The following SLIT3 variants were observed in gnomAD, a reference collection of about 807,000 sequenced individuals.
SLIT3 encodes slit homolog 3 protein.
In SLIT3, 68 loss-of-function variants were observed where a neutral mutation model predicts 184.0. The ratio of observed to expected loss-of-function variants is 0.37; its 90% CI spans 0.30 to 0.45. SLIT3 has a LOEUF of 0.45. Among genes scored for constraint, SLIT3 ranks in the 20% least tolerant of loss-of-function variants. The probability of loss-of-function intolerance (pLI) is 1.00; values close to 1 mark genes in which losing one functional copy is unlikely to be tolerated. For missense variants in SLIT3, 1,707 were observed against 2,026.0 expected, an observed-to-expected ratio of 0.84 and a Z score of 3.02; for synonymous variants, 831 against 828.6, an observed-to-expected ratio of 1.00 and a Z score of -0.05.
chr5:169,081,587 G>A (rs1759059855), intron 4 of SLIT3, among the ~76,000 whole-genome samples: 1 of 152,122 alleles, frequency 6.6e-6, no homozygotes, highest in Non-Finnish European at 1.5e-5. Context: ...CCGAGGAGAA[G>A]GGGATGCTAG....
At chr5:169,192,356 C>A (rs1488471245) in intron 4 of SLIT3, among the ~76,000 whole-genome samples, 1 of 152,062 alleles carries the variant, frequency 6.6e-6, no homozygotes, top group Non-Finnish European at 1.5e-5. Context: ...ATTGGAATAC[C>A]AGCCAACCCT....
At chr5:168,850,849 G>T (rs1268460061) in intron 5 of SLIT3, among the ~76,000 whole-genome samples, 1 of 152,154 alleles carries the variant, frequency 6.6e-6, no homozygotes, top group Non-Finnish European at 1.5e-5. Flanking sequence ...TGCAAACAGC[G>T]ATGATGGATT....
intron 4 of SLIT3, among the ~76,000 whole-genome samples, chr5:168,901,673 C>T (rs1019266050): frequency 6.6e-6 from 1 of 152,176 alleles, no homozygotes; most frequent in Non-Finnish European, 1.5e-5. Flanking sequence ...AAAAAGGACT[C>T]GCCCAAAGTC....
intron 12 of SLIT3, among the ~76,000 whole-genome samples, chr5:168,776,924 TG>T (rs1755771422): frequency 6.6e-6 from 1 of 152,136 alleles, no homozygotes; most frequent in Non-Finnish European, 1.5e-5. Context: ...CAAGAAACAC[TG>T]AACTATTCAG....
At chr5:168,939,086 C>T (rs924426228) in intron 4 of SLIT3, among the ~76,000 whole-genome samples, 2 of 152,116 alleles carry the variant, frequency 1.3e-5, no homozygotes, top group East Asian at 1.9e-4. Flanking sequence ...AAGGAATGGG[C>T]GCCTTGGGAG....
chr5:168,847,606 A>G (rs1157009428), intron 5 of SLIT3, among the ~76,000 whole-genome samples: 1 of 152,214 alleles, frequency 6.6e-6, no homozygotes, highest in East Asian at 1.9e-4. Flanking sequence ...AAGTAAATAC[A>G]CACTTGGTTC....
At chr5:168,898,966 A>T (rs1434153147) in intron 4 of SLIT3, among the ~76,000 whole-genome samples, 2 of 151,410 alleles carry the variant, frequency 1.3e-5, no homozygotes, top group Admixed American at 6.6e-5. Flanking sequence ...ATTATGTGAG[A>T]AGGCTATTAC....
chr5:169,171,314 G>A (rs965446499), intron 4 of SLIT3, among the ~76,000 whole-genome samples: 19 of 152,220 alleles, frequency 1.2e-4, no homozygotes, highest in African/African-American at 4.3e-4. Context: ...ATATGGCACT[G>A]TCTCTAGACT....
chr5:168,690,404 C>G (rs554723141), intron 29 of SLIT3, among the ~76,000 whole-genome samples: 18 of 152,332 alleles, frequency 1.2e-4, no homozygotes, highest in Non-Finnish European at 1.5e-5. Context: ...TCTGAGCTTG[C>G]TGTCCACTCA....
intron 4 of SLIT3, among the ~76,000 whole-genome samples, chr5:169,014,326 C>A (rs764179330): frequency 5.9e-5 from 9 of 152,046 alleles, no homozygotes; most frequent in Non-Finnish European, 1.3e-4. Context: ...TTTTCTGAAC[C>A]AAAATTGGCC....
intron 4 of SLIT3, among the ~76,000 whole-genome samples, chr5:169,005,639 T>C (rs962382551): frequency 2.6e-5 from 4 of 152,254 alleles, no homozygotes; most frequent in African/African-American, 4.8e-5. Context: ...CTTTCATCTT[T>C]CAGCTACATA....
chr5:169,087,571 T>A (rs1226460026), intron 4 of SLIT3, among the ~76,000 whole-genome samples: 1 of 152,184 alleles, frequency 6.6e-6, no homozygotes, highest in Non-Finnish European at 1.5e-5. Flanking sequence ...AATAGTTAGC[T>A]AAGGCATGCT....
chr5:168,888,712 A>T (rs948971063), intron 4 of SLIT3, among the ~76,000 whole-genome samples: 1 of 152,092 alleles, frequency 6.6e-6, no homozygotes, highest in African/African-American at 2.4e-5. Flanking sequence ...CAATAACATT[A>T]AAAAAAATTC....
chr5:168,736,195 C>T (rs1342036228), intron 20 of SLIT3, among the ~76,000 whole-genome samples: 1 of 152,176 alleles, frequency 6.6e-6, no homozygotes, highest in Admixed American at 6.5e-5. Context: ...GCACAATGAA[C>T]TCAATGAATG....
chr5:168,858,906 G>T (rs1422355809), intron 5 of SLIT3, among the ~76,000 whole-genome samples: 1 of 152,194 alleles, frequency 6.6e-6, no homozygotes. Context: ...GGGGGTGCAA[G>T]ATCTACATGT....
At chr5:168,971,899 C>A (rs1444014086) in intron 4 of SLIT3, among the ~76,000 whole-genome samples, 1 of 152,228 alleles carries the variant, frequency 6.6e-6, no homozygotes, top group Non-Finnish European at 1.5e-5. Flanking sequence ...CTGAGGCTAC[C>A]TCGGGGAGCG....
intron 4 of SLIT3, among the ~76,000 whole-genome samples, chr5:168,999,073 C>A (rs1486972526): frequency 6.6e-6 from 1 of 152,040 alleles, no homozygotes; most frequent in Non-Finnish European, 1.5e-5. Flanking sequence ...ACCAGCATGC[C>A]CAGCTATTTT....
chr5:168,974,985 C>T (rs1042931985), intron 4 of SLIT3, among the ~76,000 whole-genome samples: 45 of 152,134 alleles, frequency 3.0e-4, no homozygotes, highest in African/African-American at 1.1e-3. Flanking sequence ...GGTCTATCAC[C>T]ATTCTCGCTC....
rs1356060562 is a variant in SLIT3 at position 169,211,671 on chromosome 5, G to C, written c.342-18121C>G. 1.3e-5 allele frequency among the ~76,000 whole-genome samples: 2 copies of C among 152,052 alleles called. 1 individual carries two copies. Among genetic ancestry groups the C allele is most frequent in the Non-Finnish European group, 2.9e-5 (2 of 68,014 alleles). ...TTTTATTATTATACTTTACATTCTG[G>C]GGTACATGTGCAGAATGTGCAGTTT... On this transcript the variant is annotated intron_variant, in intron 3 of 35. Coordinates refer to ENST00000519560, the MANE Select transcript of SLIT3 (RefSeq NM_003062.4).
Sources: allele counts gnomAD v4.1 joint callset (sites outside exome capture counted in the v4.1 genomes callset), GRCh38; gene constraint gnomAD v4.1.1; transcripts MANE v1.5; gene names NCBI Gene and HGNC (gene_info 2026-07-23, HGNC 2026-07-21).